MYH11: variants seen among roughly 807,000 people sequenced by gnomAD.
MYH11 encodes myosin-11.
In MYH11, 80 loss-of-function variants were observed where a neutral mutation model predicts 246.6. The ratio of observed to expected loss-of-function variants is 0.32; its 90% CI spans 0.27 to 0.39. The LOEUF (loss-of-function observed/expected upper bound fraction) is 0.39, where lower values mean the gene tolerates loss of function less well. Among genes scored for constraint, MYH11 ranks in the 10% least tolerant of loss-of-function variants. The probability of loss-of-function intolerance (pLI) is 1.00; values close to 1 mark genes in which losing one functional copy is unlikely to be tolerated. For synonymous variants in MYH11, 1,071 were observed against 1,015.5 expected (o/e 1.05, Z -1.04); for missense variants, 2,158 against 2,546.8 (o/e 0.85, Z 3.29).
At chr16:15,847,012 G>C (rs913447515) in intron 1 of MYH11, among the ~76,000 whole-genome samples, 1 of 152,008 alleles carries the variant, frequency 6.6e-6, no homozygotes, top group African/African-American at 2.4e-5. Context: ...CACATCAAGC[G>C]TACTTTTTTG....
At chr16:15,801,403 C>G (rs1369121472) in intron 3 of MYH11, among the ~76,000 whole-genome samples, 1 of 152,102 alleles carries the variant, frequency 6.6e-6, no homozygotes. Flanking sequence ...TGCCTGTAAT[C>G]TCAACACTTT....
intron 1 of MYH11, among the ~76,000 whole-genome samples, chr16:15,845,617 C>G (rs193079781): frequency 6.6e-6 from 1 of 152,104 alleles, no homozygotes; most frequent in Non-Finnish European, 1.5e-5. Flanking sequence ...TTTAAACAGG[C>G]AGCAAAATAG....
intron 4 of MYH11, among the ~76,000 whole-genome samples, chr16:15,788,033 T>G (rs1042203430): frequency 2.7e-5 from 4 of 147,074 alleles, no homozygotes; most frequent in African/African-American, 1.0e-4. Context: ...CGACATGGTT[T>G]GTCGTATCAA....
chr16:15,824,317 G>A (rs216159), intron 2 of MYH11, among the ~76,000 whole-genome samples: 68,542 of 151,076 alleles, frequency 0.45, 16,397 homozygotes, highest in African/African-American at 0.61. Context: ...TTGCTCTGTC[G>A]CCCAGGCTGC....
intron 12 of MYH11, 123 bp from the exon 13 acceptor site, chr16:15,758,123 C>T (rs2041779266): frequency 6.9e-7 from 1 of 1,440,152 alleles, no homozygotes; most frequent in Non-Finnish European, 9.7e-7. Context: ...TCTGCCATCC[C>T]AGCACCCAGA....
intron 40 of MYH11, among the ~76,000 whole-genome samples, chr16:15,705,983 T>TAAAAAAAAA (rs1487522901): frequency 1.1e-4 from 1 of 8,908 alleles, no homozygotes; most frequent in Admixed American, 1.2e-3. Context: ...AGACTCCGTC[T>TAAAAAAAAA]CAAAAAAAAA....
At chr16:15,728,075 A>G (rs925593336) in intron 27 of MYH11, among the ~76,000 whole-genome samples, 13 of 152,196 alleles carry the variant, frequency 8.5e-5, no homozygotes, top group Non-Finnish European at 1.8e-4. Context: ...CTAAAAATGG[A>G]AAAATTAGCC....
At chr16:15,835,660 C>T (rs1406596537) in intron 2 of MYH11, among the ~76,000 whole-genome samples, 4 of 151,842 alleles carry the variant, frequency 2.6e-5, no homozygotes, top group African/African-American at 9.7e-5. Context: ...TAACACTTAA[C>T]ATTTTCAGTG....
Position 15,703,807 on chromosome 16 carries a change from G to T in MYH11, c.*184C>A. 1 of 791,054 alleles carries T rather than the reference G, an allele frequency of 1.3e-6. No individual in the cohort carries two copies. Among genetic ancestry groups the T allele is most frequent in the Non-Finnish European group, 2.1e-6 (1 of 473,798 alleles). The allele number at this position is 791,054 out of a possible 1,614,324, so 49.0% of individuals were successfully genotyped here. A position where few individuals can be genotyped will look rare whatever the true frequency, so the allele number is the denominator to read the frequency against. On this transcript the variant is annotated 3_prime_UTR_variant, in exon 41 of 41. Coordinates refer to ENST00000300036, the MANE Select transcript of MYH11 (RefSeq NM_002474.3). ...TTTACTACGTTGCCCAGGCTGGAGG[G>T]TGGTGGTTTTTATATTCCTTGTGTG...
rs755459305 is a variant in MYH11, at chr16:15,735,358, C to A, written c.3506+8G>T. 12 of 1,613,370 alleles carry A rather than the reference C, an allele frequency of 7.4e-6. No homozygotes were observed. The East Asian group carries it at 2.7e-4, about 36-fold the overall frequency. ...ATAGCAGGATGGTGGGATTGATGGG[C>A]CCCTCACCTGAGCTCCTGCTGAGTG... On this transcript the variant is annotated splice_region_variant and intron_variant, in intron 26 of 40. Coordinates refer to ENST00000300036, the MANE Select transcript of MYH11 (RefSeq NM_002474.3).
chr16:15,838,177 C>A lies in MYH11; in HGVS notation c.76G>T (p.Ala26Ser). Residue 26 changes from alanine (A) to serine (S), a missense_variant, in exon 2 of 41, where the codon GCC becomes TCC. This residue lies in a region of MYH11 where 96 missense variants were observed against 91.9 expected (regional missense o/e 1.04). Coordinates refer to ENST00000300036, the MANE Select transcript of MYH11 (RefSeq NM_002474.3). ...VDKNFINSPVAQADWAAKRLV... is the reference protein window; with the variant it reads ...VDKNFINSPVSQADWAAKRLV... The stretch of plus-strand genomic sequence containing the variant: ...CTCTTGGCGGCCCAGTCAGCCTGGG[C>A]CACTGGGCTGTTGATGAAGTTTTTG... 1 of 1,614,124 alleles carries A rather than the reference C, an allele frequency of 6.2e-7. No individual in the cohort carries two copies.
intron 8 of MYH11, among the ~76,000 whole-genome samples, chr16:15,774,235 A>G (rs958339804): frequency 4.6e-5 from 7 of 152,186 alleles, no homozygotes; most frequent in African/African-American, 1.7e-4. Context: ...GTTTGGATGC[A>G]TTTAGCAATA....
chr16:15,718,934 C>T (rs2040317600), intron 36 of MYH11: 1 of 448,808 alleles, frequency 2.2e-6, no homozygotes, highest in Non-Finnish European at 4.1e-6. Context: ...TCAAGACTAG[C>T]CTGGCCAACA....
intron 5 of MYH11, chr16:15,784,735 C>T (rs762180236): frequency 1.2e-6 from 2 of 1,613,738 alleles, no homozygotes. Context: ...TTGAACAACA[C>T]AGTATAAAAC....
chr16:15,704,748 G>C (rs1193363571), intron 40 of MYH11, among the ~76,000 whole-genome samples: 1 of 152,232 alleles, frequency 6.6e-6, no homozygotes, highest in African/African-American at 2.4e-5. Flanking sequence ...AGGGACTGCT[G>C]CATCTGTTTT....
At chr16:15,761,944 C>T (rs1049391950) in intron 10 of MYH11, among the ~76,000 whole-genome samples, 5 of 152,106 alleles carry the variant, frequency 3.3e-5, no homozygotes, top group Admixed American at 6.6e-5. Context: ...GGGTGTAAGC[C>T]GAATTAACTT....
chr16:15,842,762 C>CAAAAAAAA (rs757920488), intron 1 of MYH11, among the ~76,000 whole-genome samples: 2 of 19,640 alleles, frequency 1.0e-4, no homozygotes, highest in Non-Finnish European at 2.8e-4. Context: ...AGACTTCATC[C>CAAAAAAAA]AAAAAAAAAA....
At chr16:15,749,138 C>T (rs1239521665) in intron 16 of MYH11, 1 of 150,676 alleles carries the variant, frequency 6.6e-6, no homozygotes, top group African/African-American at 2.5e-5. Context: ...ACCTATTTAG[C>T]ATTTTCTTTC....
rs3851700 is a variant in MYH11, at chr16:15,829,860, C to G, written c.346-6449G>C. 2.6e-5 allele frequency among the ~76,000 whole-genome samples: 4 copies of G among 152,182 alleles called. No homozygotes were observed. In the South Asian group the frequency reaches 8.3e-4, roughly 32 times the overall value. On this transcript the variant is annotated intron_variant, in intron 2 of 40. Coordinates refer to ENST00000300036, the MANE Select transcript of MYH11 (RefSeq NM_002474.3). ...TTTCAGACACACAGGGATGGCCGGGCGCAGTGGCTCACACCTGTAATCCCG... is the reference window on the plus strand; with the variant it reads ...TTTCAGACACACAGGGATGGCCGGGGGCAGTGGCTCACACCTGTAATCCCG...
Sources: gnomAD v4.1 joint callset for allele counts (sites outside exome capture counted in the v4.1 genomes callset) on GRCh38, gnomAD v4.1.1 for gene constraint, gnomAD v4.1.1 regional missense constraint, MANE v1.5 for transcripts, NCBI Gene and HGNC (gene_info 2026-07-23, HGNC 2026-07-21) for gene names.